OTOG: variants seen among roughly 807,000 people sequenced by gnomAD.
The protein encoded by OTOG is otogelin.
In OTOG, 296 loss-of-function variants were observed where a neutral mutation model predicts 313.8. The ratio of observed to expected loss-of-function variants is 0.94; its 90% CI spans 0.86 to 1.04. OTOG has a LOEUF of 1.04. Ranked by LOEUF, OTOG falls within the 50% of genes least tolerant of loss-of-function variation. The pLI, the probability that OTOG is intolerant of heterozygous loss-of-function variation, is 0.00. For missense variants in OTOG, 3,948 were observed against 3,840.1 expected, an observed-to-expected ratio of 1.03 and a Z score of -0.74; for synonymous variants, 1,533 against 1,554.9, an observed-to-expected ratio of 0.99 and a Z score of 0.33.
intron 33 of OTOG, among the ~76,000 whole-genome samples, chr11:17,606,586 G>C (rs1853397392): frequency 6.6e-6 from 1 of 152,232 alleles, no homozygotes; most frequent in South Asian, 2.1e-4. Context: ...CCCTGGACAG[G>C]GATGGGGCAA....
Position 17,553,495 on chromosome 11 carries a change from C to G in OTOG, c.516C>G (p.Pro172=), listed in dbSNP as rs149868055. 2.8e-6 allele frequency: 4 copies of G among 1,448,616 alleles called. No homozygotes were observed. The highest frequency in any genetic ancestry group is 3.6e-6 in the Non-Finnish European group (4 of 1,099,268). The allele number at this position is 1,448,616 out of a possible 1,614,324, so 89.7% of individuals were successfully genotyped here. A position where few individuals can be genotyped will look rare whatever the true frequency, so the allele number is the denominator to read the frequency against. ...ACACCCTGGTGGGTCGCCATGAGCC[C>G]GAGGGACAGAGCTTCTCCATCCAGG... is the stretch of plus-strand genomic sequence containing the variant. The part of the protein sequence containing the change: ...GSYTLVGRHE[P]EGQSFSIQVH... Residue 172 remains proline (P), a synonymous_variant, in exon 6 of 56, where the codon CCC becomes CCG. Transcript: ENST00000399397.
At chr11:17,638,797 CT>C in intron 48 of OTOG, 1 of 1,496,222 alleles carries the variant, frequency 6.7e-7, no homozygotes, top group Non-Finnish European at 9.0e-7. Flanking sequence ...GGGTTTCCGT[CT>C]TAAAAAGTCC....
intron 22 of OTOG, 186 bp from the exon 23 acceptor site, chr11:17,578,187 A>G: frequency 1.5e-6 from 2 of 1,310,802 alleles, no homozygotes; most frequent in Non-Finnish European, 2.0e-6. Context: ...ATTGTGTGAC[A>G]GACAGCACAC....
chr11:17,631,108 C>T (rs1203561512), intron 40 of OTOG, among the ~76,000 whole-genome samples: 1 of 152,096 alleles, frequency 6.6e-6, no homozygotes, highest in East Asian at 1.9e-4. Flanking sequence ...ACTCATATGC[C>T]ATTGGCTGGG....
At chr11:17,578,835 T>C (rs919219730) in intron 23 of OTOG, among the ~76,000 whole-genome samples, 21 of 152,076 alleles carry the variant, frequency 1.4e-4, no homozygotes, top group Admixed American at 3.9e-4. Context: ...AAGCACTGAG[T>C]GGGGTGTCTG....
intron 6 of OTOG, 187 bp from the exon 7 acceptor site, chr11:17,555,592 A>G (rs983440094): frequency 3.7e-6 from 2 of 539,198 alleles, no homozygotes; most frequent in Non-Finnish European, 6.6e-6. Flanking sequence ...GGCCTTAGTC[A>G]CTTCACCTCT....
chr11:17,613,198 T>TCTTC (rs1853618284), intron 38 of OTOG, among the ~76,000 whole-genome samples: 1 of 55,914 alleles, frequency 1.8e-5, no homozygotes. Flanking sequence ...TTCTTTCTTT[T>TCTTC]CTTTCTTTCT....
At chr11:17,611,515 C>T in intron 36 of OTOG, 92 bp downstream of exon 36, 2 of 1,245,974 alleles carry the variant, frequency 1.6e-6, no homozygotes, top group Non-Finnish European at 1.1e-6. Flanking sequence ...AGTCGCTATC[C>T]TCATACCTGC....
chr11:17,596,763 A>G, intron 29 of OTOG, 88 bp from the exon 30 acceptor site: 1 of 1,232,754 alleles, frequency 8.1e-7, no homozygotes, highest in South Asian at 1.4e-5. Context: ...TGGTCCCTTC[A>G]TGTTGGTGCT....
At chr11:17,600,896 C>G (rs1193334371) in intron 31 of OTOG, among the ~76,000 whole-genome samples, 1 of 152,238 alleles carries the variant, frequency 6.6e-6, no homozygotes, top group South Asian at 2.1e-4. Flanking sequence ...GTTCTACTAG[C>G]ATTTGCTCTG....
intron 15 of OTOG, among the ~76,000 whole-genome samples, chr11:17,568,083 A>G (rs1365003385): frequency 6.8e-6 from 1 of 146,816 alleles, no homozygotes; most frequent in African/African-American, 2.6e-5. Context: ...AATTTTTTGT[A>G]TTTTCAGTGG....
intron 24 of OTOG, among the ~76,000 whole-genome samples, chr11:17,590,247 C>T (rs1590023811): frequency 6.6e-6 from 1 of 152,164 alleles, no homozygotes; most frequent in African/African-American, 2.4e-5. Flanking sequence ...TCAACATGTC[C>T]AGAACAGCAC....
intron 23 of OTOG, among the ~76,000 whole-genome samples, chr11:17,583,822 T>C (rs962231901): frequency 6.6e-6 from 1 of 152,166 alleles, no homozygotes; most frequent in Non-Finnish European, 1.5e-5. Context: ...AAATTTAGGA[T>C]CAGCTTATCA....
chr11:17,553,903 G>A (rs1422370867), intron 6 of OTOG, among the ~76,000 whole-genome samples: 1 of 152,230 alleles, frequency 6.6e-6, no homozygotes, highest in Admixed American at 6.5e-5. Flanking sequence ...GCAAATGAGT[G>A]CTATGGAGGA....
Position 17,606,143 on chromosome 11 carries a change from AC to A in OTOG, c.4156+13del, listed in dbSNP as rs1853383716. On this transcript the variant is annotated intron_variant, in intron 33 of 55. Transcript: ENST00000399397. Reference sequence around the variant, plus strand: ...CACTCTTCCGCCTTCTGGGTAGGCGACCCCCTGCCATTGCCCTCGGCCCTTT... The same window carrying A: ...CACTCTTCCGCCTTCTGGGTAGGCGACCCCTGCCATTGCCCTCGGCCCTTT... 2 of 1,518,850 alleles carry A rather than the reference AC, an allele frequency of 1.3e-6. No individual in the cohort carries two copies. Among genetic ancestry groups the A allele is most frequent in the Non-Finnish European group, 1.8e-6 (2 of 1,129,014 alleles). 94.1% of individuals were successfully genotyped at this position (1,518,850 alleles called of 1,614,324 possible).
intron 17 of OTOG, among the ~76,000 whole-genome samples, chr11:17,571,374 T>A (rs1315430927): frequency 2.0e-5 from 3 of 152,170 alleles, no homozygotes; most frequent in Admixed American, 2.0e-4. Flanking sequence ...TTGGGCATGG[T>A]GGGTGCCAGG....
chr11:17,558,970 C>A, intron 10 of OTOG, 82 bp from the exon 11 acceptor site: 3 of 1,117,776 alleles, frequency 2.7e-6, no homozygotes, highest in Non-Finnish European at 3.9e-6. Flanking sequence ...TGCCCTGAAG[C>A]CCTGGCAGTG....
intron 17 of OTOG, 52 bp downstream of exon 17, chr11:17,570,442 G>A: frequency 1.3e-6 from 2 of 1,525,470 alleles, no homozygotes; most frequent in Non-Finnish European, 1.8e-6. Context: ...GGCCCCTTAG[G>A]GCTGGGTATC....
intron 38 of OTOG, 68 bp from the exon 39 acceptor site, chr11:17,613,544 T>C (rs1853649533): frequency 3.8e-6 from 5 of 1,300,206 alleles, no homozygotes; most frequent in Non-Finnish European, 5.4e-6. Flanking sequence ...ACATTTGCTG[T>C]GCCCACTCAC....
Sources: allele counts gnomAD v4.1 joint callset (sites outside exome capture counted in the v4.1 genomes callset), GRCh38; gene constraint gnomAD v4.1.1; transcripts MANE v1.5; gene names NCBI Gene and HGNC (gene_info 2026-07-23, HGNC 2026-07-21).